Variants in NRCAM observed in about 807,000 individuals in gnomAD.
NRCAM encodes the protein neuronal cell adhesion molecule.
NRCAM carries 83 observed loss-of-function variants against 156.5 expected under a neutral mutation model. The observed-to-expected ratio is 0.53, with a 90% confidence interval of 0.44 to 0.64. The LOEUF is 0.64. NRCAM is among the 30% of genes least tolerant of loss of function. The pLI, the probability that NRCAM is intolerant of heterozygous loss-of-function variation, is 0.00. For missense variants in NRCAM, 1,417 were observed against 1,597.3 expected, an observed-to-expected ratio of 0.89 and a Z score of 1.92; for synonymous variants, 538 against 563.9, an observed-to-expected ratio of 0.95 and a Z score of 0.65.
At chr7:108,274,711 C>T (rs1591277045) in intron 3 of NRCAM, among the ~76,000 whole-genome samples, 1 of 152,152 alleles carries the variant, frequency 6.6e-6, no homozygotes, top group African/African-American at 2.4e-5. Context: ...TTCCTCTTTT[C>T]CTAATTGAAT....
chr7:108,452,414 G>A (rs1018219313), intron 1 of NRCAM, among the ~76,000 whole-genome samples: 1 of 152,048 alleles, frequency 6.6e-6, no homozygotes, highest in Non-Finnish European at 1.5e-5. Flanking sequence ...GCTGTGGGGG[G>A]GGGAAGAAAC....
intron 2 of NRCAM, among the ~76,000 whole-genome samples, chr7:108,356,376 A>G (rs1170472301): frequency 6.6e-6 from 1 of 152,194 alleles, no homozygotes; most frequent in African/African-American, 2.4e-5. Flanking sequence ...TACTATAGGT[A>G]TTTATGAATA....
chr7:108,334,540 T>G (rs2099159496), intron 2 of NRCAM, among the ~76,000 whole-genome samples: 1 of 152,180 alleles, frequency 6.6e-6, no homozygotes, highest in African/African-American at 2.4e-5. Flanking sequence ...GCAGACACTG[T>G]TCTTTGAATG....
chr7:108,326,378 C>T (rs2099068416), intron 2 of NRCAM, among the ~76,000 whole-genome samples: 1 of 152,090 alleles, frequency 6.6e-6, no homozygotes, highest in Admixed American at 6.5e-5. Flanking sequence ...TTATTTATAT[C>T]AATGGCATGG....
At chr7:108,265,642 G>A (rs180978309) in intron 3 of NRCAM, among the ~76,000 whole-genome samples, 16 of 152,290 alleles carry the variant, frequency 1.1e-4, no homozygotes, top group Admixed American at 4.6e-4. Context: ...CTGTGTGCCA[G>A]GCTGTCTGTG....
intron 3 of NRCAM, among the ~76,000 whole-genome samples, chr7:108,259,419 G>A (rs979346836): frequency 2.6e-5 from 4 of 152,224 alleles, no homozygotes; most frequent in Admixed American, 6.5e-5. Context: ...TTCAACCATT[G>A]TGCAAGACAG....
chr7:108,229,644 C>G (rs1481398980), intron 8 of NRCAM, among the ~76,000 whole-genome samples: 2 of 152,176 alleles, frequency 1.3e-5, no homozygotes, highest in African/African-American at 2.4e-5. Context: ...GACTTACGCA[C>G]TAAGGTTTCA....
chr7:108,431,660 C>T (rs1324385389), intron 1 of NRCAM, among the ~76,000 whole-genome samples: 1 of 152,030 alleles, frequency 6.6e-6, no homozygotes, highest in Non-Finnish European at 1.5e-5. Flanking sequence ...TGACATGCAC[C>T]CGTAGTCCCA....
At chr7:108,393,824 T>C (rs901584032) in intron 2 of NRCAM, among the ~76,000 whole-genome samples, 4 of 152,200 alleles carry the variant, frequency 2.6e-5, no homozygotes, top group Non-Finnish European at 5.9e-5. Flanking sequence ...ACTATGAAGA[T>C]AGGTAATCCC....
At chr7:108,250,663 T>C (rs1011480267) in intron 3 of NRCAM, among the ~76,000 whole-genome samples, 6 of 149,332 alleles carry the variant, frequency 4.0e-5, no homozygotes, top group African/African-American at 9.8e-5. Flanking sequence ...AAAAAAAAAA[T>C]AGAAACAATG....
intron 1 of NRCAM, among the ~76,000 whole-genome samples, chr7:108,433,888 T>C (rs1828898259): frequency 6.6e-6 from 1 of 152,230 alleles, no homozygotes; most frequent in African/African-American, 2.4e-5. Flanking sequence ...ATCATGTATG[T>C]GTTTCAAATG....
intron 2 of NRCAM, among the ~76,000 whole-genome samples, chr7:108,362,964 T>C (rs955814132): frequency 2.6e-5 from 4 of 151,954 alleles, no homozygotes; most frequent in Non-Finnish European, 4.4e-5. Context: ...GGGCAGGAAA[T>C]GTGCAAGATG....
At chr7:108,201,796 T>C (rs1039408066) in intron 13 of NRCAM, among the ~76,000 whole-genome samples, 1 of 152,216 alleles carries the variant, frequency 6.6e-6, no homozygotes, top group Admixed American at 6.5e-5. Flanking sequence ...GCCTTATATA[T>C]GCTAAATAGA....
At chr7:108,225,445 T>C (rs948745993) in intron 10 of NRCAM, among the ~76,000 whole-genome samples, 200 bp downstream of exon 10, 1 of 152,198 alleles carries the variant, frequency 6.6e-6, no homozygotes, top group African/African-American at 2.4e-5. Flanking sequence ...TTATTACACA[T>C]ACATCATGGA....
intron 32 of NRCAM, among the ~76,000 whole-genome samples, chr7:108,155,952 C>G (rs2045165479): frequency 6.6e-6 from 1 of 152,008 alleles, no homozygotes; most frequent in African/African-American, 2.4e-5. Context: ...GTGTGCACAT[C>G]TGTTAAATCC....
In NRCAM at chr7:108,164,803, T is replaced by C. The variant is rs138772893; in HGVS notation, c.3466+2118A>G. On this transcript the variant is annotated intron_variant, in intron 30 of 32. Transcript: ENST00000379028. ...TTTTAATACATTTATATGTAAAAAG[T>C]GACAAGAACTGGTTGTGACCTTGTC... Among the ~76,000 whole-genome samples the C allele has an allele frequency of 6.6e-5, 10 of 152,312 alleles. No homozygotes were observed. The East Asian group carries it at 1.9e-3, about 29-fold the overall frequency.
chr7:108,409,839 AG>A (rs1488321303), intron 1 of NRCAM, among the ~76,000 whole-genome samples: 1 of 152,248 alleles, frequency 6.6e-6, no homozygotes, highest in East Asian at 1.9e-4. Context: ...AGACTTTTGA[AG>A]GACATCTAGA....
chr7:108,219,579 A>G (rs922049403), intron 11 of NRCAM, among the ~76,000 whole-genome samples: 13 of 152,238 alleles, frequency 8.5e-5, no homozygotes, highest in East Asian at 3.8e-4. Context: ...ACACCACATA[A>G]ACAGAATTAA....
chr7:108,266,405 T>G (rs1256771520), intron 3 of NRCAM, among the ~76,000 whole-genome samples: 1 of 152,230 alleles, frequency 6.6e-6, no homozygotes, highest in Non-Finnish European at 1.5e-5. Flanking sequence ...AGCCTGGGTA[T>G]GATGGCTAAA....
Sources: gnomAD v4.1 joint callset for allele counts (sites outside exome capture counted in the v4.1 genomes callset) on GRCh38, gnomAD v4.1.1 for gene constraint, MANE v1.5 for transcripts, NCBI Gene and HGNC (gene_info 2026-07-23, HGNC 2026-07-21) for gene names.